ADGRV1: variants seen among roughly 807,000 people sequenced by gnomAD.
ADGRV1 encodes the protein G-protein coupled receptor 98.
Under a neutral mutation model 596.2 loss-of-function variants are expected in ADGRV1, and 359 were observed. That is an observed-to-expected ratio of 0.60 (90% CI 0.55 to 0.66). The LOEUF (loss-of-function observed/expected upper bound fraction) is 0.66. Among genes scored for constraint, ADGRV1 ranks in the 30% least tolerant of loss-of-function variants. The pLI is 0.00. For synonymous variants in ADGRV1, 2,681 were observed against 2,679.2 expected (o/e 1.00, Z -0.02); for missense variants, 7,274 against 7,575.6 (o/e 0.96, Z 1.48).
In ADGRV1 at chr5:90,694,303, G is replaced by C. The variant is rs1412837241; in HGVS notation, c.7547G>C (p.Gly2516Ala). ...VTRQWAIMQE[G>A]DEFANLTVSI... ...AGGCAATGGGCCATAATGCAGGAAG[G>C]TGATGAATTCGCAAATCTCACAGTG... is the stretch of plus-strand genomic sequence containing the variant. Residue 2516 changes from glycine (G) to alanine (A), a missense_variant, in exon 33 of 90, where the codon GGT becomes GCT. Gly to Ala is a moderately conservative substitution (Grantham distance 60, BLOSUM62 0). This residue lies in a region of ADGRV1 where 3,643 missense variants were observed against 3,809.2 expected (regional missense o/e 0.96). Transcript: ENST00000405460. 1 of 1,613,958 alleles carries C rather than the reference G, an allele frequency of 6.2e-7. No homozygotes were observed. Among genetic ancestry groups the C allele is most frequent in the East Asian group, 2.2e-5 (1 of 44,874 alleles).
At chr5:91,007,525 A>G (rs1194272404) in intron 85 of ADGRV1, among the ~76,000 whole-genome samples, 1 of 152,160 alleles carries the variant, frequency 6.6e-6, no homozygotes, top group Non-Finnish European at 1.5e-5. Context: ...TTATATCCTC[A>G]GAACAGAGCA....
intron 85 of ADGRV1, among the ~76,000 whole-genome samples, chr5:90,998,218 A>G (rs763498599): frequency 1.3e-5 from 2 of 152,200 alleles, no homozygotes; most frequent in African/African-American, 4.8e-5. Flanking sequence ...ATCATAAATG[A>G]GAAAGAAAAA....
intron 70 of ADGRV1, among the ~76,000 whole-genome samples, chr5:90,802,168 T>G (rs921429392): frequency 6.6e-6 from 1 of 150,742 alleles, no homozygotes; most frequent in Non-Finnish European, 1.5e-5. Flanking sequence ...TTTGGGCACA[T>G]GTGAAAAATT....
chr5:90,922,654 T>C (rs1773986792), intron 83 of ADGRV1, among the ~76,000 whole-genome samples: 1 of 152,186 alleles, frequency 6.6e-6, no homozygotes, highest in African/African-American at 2.4e-5. Context: ...CCCGGTGTTA[T>C]CATCTATATA....
At chr5:90,761,514 G>A (rs1279337238) in intron 58 of ADGRV1, among the ~76,000 whole-genome samples, 1 of 152,140 alleles carries the variant, frequency 6.6e-6, no homozygotes, top group Non-Finnish European at 1.5e-5. Context: ...CAAACTTCTG[G>A]ACTTGGGCAC....
chr5:90,784,804 T>G (rs1414574024), intron 67 of ADGRV1, among the ~76,000 whole-genome samples: 3 of 152,154 alleles, frequency 2.0e-5, no homozygotes, highest in African/African-American at 7.2e-5. Flanking sequence ...TCCATGCTCA[T>G]GGATAGGAAG....
At chr5:90,646,647 G>A (rs1037021469) in intron 16 of ADGRV1, among the ~76,000 whole-genome samples, 4 of 151,944 alleles carry the variant, frequency 2.6e-5, no homozygotes, top group African/African-American at 7.3e-5. Flanking sequence ...TTTATGAAAC[G>A]GTTGTTGTGT....
Position 90,805,379 on chromosome 5 carries a change from G to T in ADGRV1, c.14757G>T (p.Ser4919=), listed in dbSNP as rs754413110. The T allele has an allele frequency of 6.2e-7, 1 of 1,611,190 alleles. No individual in the cohort carries two copies. Among genetic ancestry groups the T allele is most frequent in the Admixed American group, 1.7e-5 (1 of 59,994 alleles). ...ISRRGTYGAL[S]VAWTTGYAPG... ...GGAGAGGCACATATGGAGCTCTCTCGGTTGCCTGGACCACTGGATATGCTC... is the reference window on the plus strand; with the variant it reads ...GGAGAGGCACATATGGAGCTCTCTCTGTTGCCTGGACCACTGGATATGCTC... The change falls in exon 72 of 90, where the codon TCG becomes TCT. Residue 4919 remains serine, a synonymous_variant. Transcript: ENST00000405460.
intron 70 of ADGRV1, among the ~76,000 whole-genome samples, 174 bp from the exon 71 acceptor site, chr5:90,802,565 C>T (rs1761485216): frequency 6.6e-6 from 1 of 152,042 alleles, no homozygotes; most frequent in Non-Finnish European, 1.5e-5. Flanking sequence ...ATCTTCCACT[C>T]CTTATCTCAC....
At chr5:91,027,774 G>A (rs184090724) in intron 85 of ADGRV1, among the ~76,000 whole-genome samples, 20 of 152,272 alleles carry the variant, frequency 1.3e-4, no homozygotes, top group African/African-American at 4.6e-4. Context: ...AGCGGCCAAA[G>A]ATAAACAAGG....
chr5:90,979,800 C>G (rs1779940440), intron 84 of ADGRV1, among the ~76,000 whole-genome samples: 1 of 152,040 alleles, frequency 6.6e-6, no homozygotes, highest in Non-Finnish European at 1.5e-5. Flanking sequence ...AAATTAAAAC[C>G]CAGAGAAGCC....
chr5:90,681,702 A>T (rs770639021), intron 27 of ADGRV1, among the ~76,000 whole-genome samples: 7 of 152,178 alleles, frequency 4.6e-5, no homozygotes, highest in Non-Finnish European at 7.3e-5. Context: ...ATGGAGCTGT[A>T]CTACAAGTAT....
At chr5:90,716,826 C>A (rs750371880) in intron 43 of ADGRV1, 97 bp downstream of exon 43, 73 of 839,980 alleles carry the variant, frequency 8.7e-5, no homozygotes, top group Non-Finnish European at 1.3e-4. Context: ...AATGAAAAAA[C>A]AATACTTCCA....
rs1283094831 is a variant in ADGRV1 at position 90,807,596 on chromosome 5, T to C, written c.14837-6T>C. 2 of 1,608,456 alleles carry C rather than the reference T, an allele frequency of 1.2e-6. No individual in the cohort carries two copies. On this transcript the variant is annotated splice_region_variant and splice_polypyrimidine_tract_variant and intron_variant, in intron 72 of 89. Transcript: ENST00000405460. ...CCCTACTTTGCTTTTTCATGTTTTC[T>C]TTCAGGGAGCCTTTCATTTTCCCAC...
intron 85 of ADGRV1, among the ~76,000 whole-genome samples, chr5:91,042,767 T>A (rs1238833677): frequency 6.6e-6 from 1 of 152,134 alleles, no homozygotes; most frequent in Non-Finnish European, 1.5e-5. Context: ...GTTATAAAAT[T>A]ATGGATGTCA....
chr5:91,010,360 G>A (rs1782624858), intron 85 of ADGRV1, among the ~76,000 whole-genome samples: 1 of 152,008 alleles, frequency 6.6e-6, no homozygotes, highest in South Asian at 2.1e-4. Flanking sequence ...TATACACAAA[G>A]GCTATGTTAA....
At chr5:91,141,162 G>T (rs1208152332) in intron 87 of ADGRV1, among the ~76,000 whole-genome samples, 1 of 152,136 alleles carries the variant, frequency 6.6e-6, no homozygotes, top group East Asian at 1.9e-4. Flanking sequence ...TTGTTCCTAG[G>T]AATTGCAAAA....
At chr5:91,079,616 T>A (rs1466495964) in intron 86 of ADGRV1, among the ~76,000 whole-genome samples, 1 of 152,184 alleles carries the variant, frequency 6.6e-6, no homozygotes, top group Non-Finnish European at 1.5e-5. Context: ...GAGAGAAGGT[T>A]TAAATTTCTG....
At chr5:90,864,449 C>T (rs1767899593) in intron 83 of ADGRV1, among the ~76,000 whole-genome samples, 1 of 152,128 alleles carries the variant, frequency 6.6e-6, no homozygotes, top group Admixed American at 6.5e-5. Context: ...ATACGGTGTT[C>T]ATAGTCTAGA....
Sources: gnomAD v4.1 joint callset for allele counts (sites outside exome capture counted in the v4.1 genomes callset) on GRCh38, gnomAD v4.1.1 for gene constraint, gnomAD v4.1.1 regional missense constraint, MANE v1.5 for transcripts, NCBI Gene and HGNC (gene_info 2026-07-23, HGNC 2026-07-21) for gene names.